CFDP1: variants seen among roughly 807,000 people sequenced by gnomAD.
CFDP1 encodes chromatin remodeling protein CFDP1.
CFDP1 carries 31 observed loss-of-function variants against 40.1 expected under a neutral mutation model. That is an observed-to-expected ratio of 0.77 (90% CI 0.58 to 1.04). The LOEUF is 1.04. Ranked by LOEUF, CFDP1 falls within the 50% of genes least tolerant of loss-of-function variation. The pLI, the probability that CFDP1 is intolerant of heterozygous loss-of-function variation, is 0.00. For synonymous variants in CFDP1, 167 were observed against 120.0 expected, an observed-to-expected ratio of 1.39 and a Z score of -2.56; for missense variants, 423 against 343.4, an observed-to-expected ratio of 1.23 and a Z score of -1.83.
rs148432339 is a variant in CFDP1 at position 75,416,786 on chromosome 16, C to T, written c.65-2091G>A. On this transcript the variant is annotated intron_variant, in intron 1 of 6. Coordinates refer to ENST00000283882, the MANE Select transcript of CFDP1 (RefSeq NM_006324.3). ...CATAAATTAAAAAATTTTTTAAAGG[C>T]GATGAGAAGGAGCCAGCTGTGTGAA... Among the ~76,000 whole-genome samples the T allele has an allele frequency of 3.2e-3, 489 of 151,816 alleles. 2 individuals carry two copies. The highest frequency in any genetic ancestry group is 0.011 in the African/African-American group (462 of 41,372).
chr16:75,430,363 G>A (rs577824252), intron 1 of CFDP1, among the ~76,000 whole-genome samples: 20 of 152,186 alleles, frequency 1.3e-4, no homozygotes, highest in African/African-American at 4.8e-4. Flanking sequence ...TACAGACAGG[G>A]TTTCACTATG....
chr16:75,303,618 C>G (rs1762454078), intron 6 of CFDP1, among the ~76,000 whole-genome samples: 1 of 151,248 alleles, frequency 6.6e-6, no homozygotes, highest in South Asian at 2.1e-4. Flanking sequence ...CGTTTGAGCC[C>G]AAAAGTTTGA....
At chr16:75,328,838 T>C (rs1397805104) in intron 5 of CFDP1, among the ~76,000 whole-genome samples, 1 of 141,502 alleles carries the variant, frequency 7.1e-6, no homozygotes, top group African/African-American at 2.6e-5. Context: ...GCCACCATGC[T>C]CAGCGAATTT....
At chr16:75,306,031 GT>G (rs2078254707) in intron 5 of CFDP1, among the ~76,000 whole-genome samples, 1 of 152,180 alleles carries the variant, frequency 6.6e-6, no homozygotes, top group Non-Finnish European at 1.5e-5. Context: ...GCAAAATGCA[GT>G]TAAGATGGTA....
intron 4 of CFDP1, among the ~76,000 whole-genome samples, chr16:75,399,113 T>C (rs911527905): frequency 6.6e-6 from 1 of 150,498 alleles, no homozygotes; most frequent in Non-Finnish European, 1.5e-5. Context: ...ACTTAGCCAC[T>C]GTCTGATTAC....
At chr16:75,414,816 C>A in intron 1 of CFDP1, 121 bp from the exon 2 acceptor site, 1 of 678,036 alleles carries the variant, frequency 1.5e-6, no homozygotes, top group East Asian at 2.6e-5. Flanking sequence ...GAATTTTCCC[C>A]TACTCTTCAC....
intron 4 of CFDP1, among the ~76,000 whole-genome samples, chr16:75,397,080 AT>A (rs1170394711): frequency 1.8e-4 from 28 of 151,934 alleles, no homozygotes; most frequent in East Asian, 1.4e-3. Context: ...CGCCCAGCTA[AT>A]TTTTTTGTAT....
chr16:75,334,878 C>A (rs2078474914), intron 5 of CFDP1, among the ~76,000 whole-genome samples: 1 of 151,972 alleles, frequency 6.6e-6, no homozygotes, highest in Non-Finnish European at 1.5e-5. Flanking sequence ...TCGTTTGAAC[C>A]CCGGAGGTGG....
At chr16:75,327,140 G>GC (rs1387795153) in intron 5 of CFDP1, among the ~76,000 whole-genome samples, 1 of 152,098 alleles carries the variant, frequency 6.6e-6, no homozygotes, top group African/African-American at 2.4e-5. Flanking sequence ...GGTGGCGGAC[G>GC]CCTGTAGTTC....
chr16:75,413,048 C>T (rs1428932084), intron 2 of CFDP1, among the ~76,000 whole-genome samples: 2 of 151,984 alleles, frequency 1.3e-5, no homozygotes, highest in African/African-American at 2.4e-5. Flanking sequence ...AGAAAACATC[C>T]AAATCACCTA....
chr16:75,418,960 C>T (rs568492879), intron 1 of CFDP1: 41 of 257,318 alleles, frequency 1.6e-4, no homozygotes, highest in African/African-American at 7.7e-4. Flanking sequence ...GGCAACAGAG[C>T]AAGAGCCTGT....
At chr16:75,335,313 C>G (rs904692319) in intron 5 of CFDP1, among the ~76,000 whole-genome samples, 18 of 152,226 alleles carry the variant, frequency 1.2e-4, no homozygotes, top group African/African-American at 4.1e-4. Context: ...TAACTTAAAC[C>G]TTTATTTGGC....
intron 4 of CFDP1, among the ~76,000 whole-genome samples, chr16:75,400,811 G>C (rs2079045451): frequency 6.6e-6 from 1 of 152,194 alleles, no homozygotes; most frequent in African/African-American, 2.4e-5. Flanking sequence ...ATAATGTACT[G>C]TATTATGCTA....
chr16:75,311,770 A>T (rs962385509), intron 5 of CFDP1, among the ~76,000 whole-genome samples: 9 of 141,790 alleles, frequency 6.3e-5, no homozygotes, highest in African/African-American at 7.9e-5. Context: ...GACCTTTACA[A>T]TTTTTTTTTT....
At chr16:75,355,042 C>T (rs6564252) in intron 5 of CFDP1, among the ~76,000 whole-genome samples, 78,525 of 152,050 alleles carry the variant, frequency 0.52, 21,386 homozygotes, top group Admixed American at 0.64. Flanking sequence ...CACCGCACTG[C>T]AGTCTATTAA....
intron 5 of CFDP1, among the ~76,000 whole-genome samples, chr16:75,359,069 G>C (rs572781194): frequency 1.3e-5 from 2 of 152,210 alleles, no homozygotes; most frequent in South Asian, 4.1e-4. Flanking sequence ...ATTTGAGTGA[G>C]ACTAAATTTT....
intron 6 of CFDP1, among the ~76,000 whole-genome samples, chr16:75,299,730 A>C (rs2078209343): frequency 6.6e-6 from 1 of 152,172 alleles, no homozygotes; most frequent in Non-Finnish European, 1.5e-5. Flanking sequence ...AGGGAACAAG[A>C]TGTTGCCCTC....
In CFDP1 at chr16:75,433,326, G is replaced by A. The variant is rs148535092; in HGVS notation, c.27C>T (p.Phe9=). The change falls in exon 1 of 7, where the codon TTC becomes TTT. Residue 9 remains phenylalanine (F), a synonymous_variant. Transcript: ENST00000283882. MEEFDSED[F]STSEEDEDYV... is the part of the protein sequence containing the mutation. The stretch of plus-strand genomic sequence containing the variant: ...AGTCCTCGTCCTCCTCCGACGTAGA[G>A]AAGTCTTCGGAGTCGAATTCCTCCA... 1.2e-6 allele frequency: 2 copies of A among 1,600,840 alleles called. No individual in the cohort carries two copies. Among genetic ancestry groups the A allele is most frequent in the African/African-American group, 1.3e-5 (1 of 74,684 alleles).
chr16:75,379,298 A>C (rs1433573126), intron 5 of CFDP1, among the ~76,000 whole-genome samples: 1 of 151,936 alleles, frequency 6.6e-6, no homozygotes, highest in Non-Finnish European at 1.5e-5. Flanking sequence ...TTCTTTGAAC[A>C]GATCAATAAA....
Sources: gnomAD v4.1 joint callset for allele counts (sites outside exome capture counted in the v4.1 genomes callset) on GRCh38, gnomAD v4.1.1 for gene constraint, MANE v1.5 for transcripts, NCBI Gene and HGNC (gene_info 2026-07-23, HGNC 2026-07-21) for gene names.